UMODL1: variants seen among roughly 807,000 people sequenced by gnomAD.
UMODL1 encodes the protein uromodulin like 1.
A neutral mutation model predicts 136.3 loss-of-function variants in UMODL1; 128 were observed. That is an observed-to-expected ratio of 0.94 (90% CI 0.81 to 1.09). The LOEUF is 1.09. Ranked by LOEUF, UMODL1 falls within the 50% of genes least tolerant of loss-of-function variation. UMODL1 has a pLI of 0.00. For synonymous variants in UMODL1, 721 were observed against 720.0 expected (o/e 1.00, Z -0.02); for missense variants, 1,766 against 1,725.6 (o/e 1.02, Z -0.41).
intron 21 of UMODL1, among the ~76,000 whole-genome samples, chr21:42,131,283 A>G (rs911152190): frequency 1.3e-5 from 2 of 151,530 alleles, no homozygotes; most frequent in East Asian, 1.9e-4. Flanking sequence ...CTTTCCCTGT[A>G]TGAGAACTTC....
At chr21:42,077,422 T>C (rs183549347) in intron 2 of UMODL1, among the ~76,000 whole-genome samples, 10 of 152,122 alleles carry the variant, frequency 6.6e-5, no homozygotes, top group Middle Eastern at 3.4e-3. Context: ...CTAGATTTTC[T>C]TTTATACTTT....
chr21:42,106,633 G>A (rs908076064), intron 9 of UMODL1, among the ~76,000 whole-genome samples: 3 of 152,344 alleles, frequency 2.0e-5, no homozygotes, highest in African/African-American at 7.2e-5. Flanking sequence ...TTCCCCAGGA[G>A]GTACGTACCA....
At chr21:42,064,420 A>G (rs909512285) in intron 1 of UMODL1, among the ~76,000 whole-genome samples, 2 of 152,130 alleles carry the variant, frequency 1.3e-5, no homozygotes, top group African/African-American at 2.4e-5. Flanking sequence ...GAGTCTGCCT[A>G]CGTTGGCACG....
At chr21:42,092,147 A>G (rs547965542) in intron 6 of UMODL1, among the ~76,000 whole-genome samples, 12 of 152,208 alleles carry the variant, frequency 7.9e-5, no homozygotes, top group Admixed American at 2.6e-4. Flanking sequence ...TCAGGAGAGC[A>G]GAAGGGAAGC....
rs371738057 is a variant in UMODL1 at position 42,099,020 on chromosome 21, C to T, written c.1026C>T (p.Phe342=). The change falls in exon 7 of 23, where the codon TTC becomes TTT. Residue 342 remains phenylalanine, a synonymous_variant. Coordinates refer to ENST00000408910, the MANE Select transcript of UMODL1 (RefSeq NM_001004416.3). The surrounding 1 kb of genome is among the most constrained non-coding windows in gnomAD (Gnocchi z 4.1). ...WRLNSTQNHT[F]HVRVYRGMEL... ...TAAATTCTACACAGAACCACACTTTCCATGTCCGGGTTTACCGGGGTATGG... is the reference window on the plus strand; with the variant it reads ...TAAATTCTACACAGAACCACACTTTTCATGTCCGGGTTTACCGGGGTATGG... The T allele has an allele frequency of 6.2e-7, 1 of 1,614,096 alleles. No homozygotes were observed. The highest frequency in any genetic ancestry group is 8.5e-7 in the Non-Finnish European group (1 of 1,180,000).
At chr21:42,108,757 C>G (rs1245098532) in intron 9 of UMODL1, among the ~76,000 whole-genome samples, 2 of 136,598 alleles carry the variant, frequency 1.5e-5, no homozygotes, top group African/African-American at 5.7e-5. Context: ...GGCGGGCCCC[C>G]CGGTGACATG....
chr21:42,084,253 G>A lies in UMODL1; in HGVS notation c.481+8G>A, dbSNP rs1157959358. ...TGGCCCCTGCACCCCAAGGTAGGCT[G>A]CTGCGGGCCATGCTTATGGACAGGC... On this transcript the variant is annotated splice_region_variant and intron_variant, in intron 3 of 22. Transcript: ENST00000408910. The A allele has an allele frequency of 5.6e-6, 9 of 1,612,736 alleles. No individual in the cohort carries two copies. In the Admixed American group the frequency reaches 1.5e-4, roughly 27 times the overall value.
rs373297202 is a variant in UMODL1 at position 42,119,136 on chromosome 21, T to C, written c.2501T>C (p.Met834Thr). The stretch of plus-strand genomic sequence containing the variant: ...GTGCGGGGCTCCCTGCCAGCCACCA[T>C]GTGTCAGCACATGGACGCTGGTGGG... ...RMVRGSLPAT[M>T]CQHMDAGGVR... Residue 834 changes from methionine (M) to threonine (T), a missense_variant, in exon 15 of 23, where the codon ATG becomes ACG. Met to Thr is a moderately conservative substitution (Grantham distance 81). Transcript: ENST00000408910. The C allele has an allele frequency of 1.4e-5, 22 of 1,613,362 alleles. No homozygotes were observed. Among genetic ancestry groups the C allele is most frequent in the African/African-American group, 1.3e-4 (10 of 74,940 alleles).
chr21:42,124,227 G>A (rs952482460), intron 17 of UMODL1, among the ~76,000 whole-genome samples: 1 of 152,358 alleles, frequency 6.6e-6, no homozygotes, highest in African/African-American at 2.4e-5. Context: ...ACAAGAGGAG[G>A]GGAGAGCCAG....
chr21:42,114,470 G>T (rs568328984), intron 13 of UMODL1, among the ~76,000 whole-genome samples: 2 of 152,186 alleles, frequency 1.3e-5, no homozygotes, highest in Non-Finnish European at 2.9e-5. Flanking sequence ...TGGTTTTCAC[G>T]CCATGGGCAG....
At chr21:42,065,559 G>A (rs1051683534) in intron 1 of UMODL1, among the ~76,000 whole-genome samples, 2 of 149,868 alleles carry the variant, frequency 1.3e-5, no homozygotes, top group Non-Finnish European at 3.0e-5. Flanking sequence ...TTTTTTTGAG[G>A]CGGAGTCTCG....
At chr21:42,095,704 G>A (rs1352313910) in intron 6 of UMODL1, among the ~76,000 whole-genome samples, 1 of 152,182 alleles carries the variant, frequency 6.6e-6, no homozygotes, top group Non-Finnish European at 1.5e-5. Flanking sequence ...AAGCTTAGTA[G>A]TAAGGCAAGT....
At position 42,096,993 on chromosome 21, in the gene UMODL1, T is replaced by G. The variant is rs369776750; in HGVS notation, c.932-1933T>G. Among the ~76,000 whole-genome samples, 16 of 152,304 alleles carry G rather than the reference T, an allele frequency of 1.1e-4. 3 individuals are homozygous for G. Among genetic ancestry groups the G allele is most frequent in the Admixed American group, 2.0e-4 (3 of 15,302 alleles). On this transcript the variant is annotated intron_variant, in intron 6 of 22. Coordinates refer to ENST00000408910, the MANE Select transcript of UMODL1 (RefSeq NM_001004416.3). The stretch of plus-strand genomic sequence containing the variant: ...CCAGGCAGTGAGTGGGGGGTCTTTT[T>G]GATTCCAGGGTTCTGGTGACCCTGG...
At chr21:42,104,430 CT>C (rs56706695) in intron 9 of UMODL1, among the ~76,000 whole-genome samples, 29,980 of 151,298 alleles carry the variant, frequency 0.2, 3,191 homozygotes, top group South Asian at 0.27. Context: ...TTTTTCTTTT[CT>C]TTTTTTTCTT....
rs79554498 is a variant in UMODL1, at chr21:42,132,144, G to A, written c.3775+2347G>A. Among the ~76,000 whole-genome samples, 764 of 151,678 alleles carry A rather than the reference G, an allele frequency of 5.0e-3. 8 individuals carry two copies. Among genetic ancestry groups the A allele is most frequent in the African/African-American group, 0.017 (696 of 41,348 alleles). ...TCATCTTTCCATCTATCATTTTTCC[G>A]TCCATCCATCCATCTACCCATTCAT... On this transcript the variant is annotated intron_variant, in intron 21 of 22. Coordinates refer to ENST00000408910, the MANE Select transcript of UMODL1 (RefSeq NM_001004416.3).
rs530378179 is a variant in UMODL1, at chr21:42,142,162, G to C, written c.*88G>C. 6.6e-6 allele frequency: 1 copy of C among 152,414 alleles called. No individual in the cohort carries two copies. Among genetic ancestry groups the C allele is most frequent in the African/African-American group, 2.4e-5 (1 of 41,560 alleles). The allele number at this position is 152,414 out of a possible 1,614,324, so 9.4% of individuals were successfully genotyped here. A position where few individuals can be genotyped will look rare whatever the true frequency, so the allele number is the denominator to read the frequency against. On this transcript the variant is annotated 3_prime_UTR_variant, in exon 23 of 23. Transcript: ENST00000408910. ...CTGGTGGGCTCCCCCGGGATCCCCA[G>C]TGTCTCTCTGCACCTCCACCCATCC...
At chr21:42,068,813 C>T (rs554689757), upstream of UMODL1, among the ~76,000 whole-genome samples, 1 of 152,202 alleles carries the variant, frequency 6.6e-6, no homozygotes, top group African/African-American at 2.4e-5. This position sits in a 1 kb window ranked among gnomAD's most constrained non-coding sequence, Gnocchi z 5.5. Flanking sequence ...TGTCGGTGCA[C>T]ATGTGAGTGT....
chr21:42,122,679 G>A lies in UMODL1; in HGVS notation c.2828-152G>A, dbSNP rs1375074804. 7.5e-6 allele frequency: 5 copies of A among 671,032 alleles called. No homozygotes were observed. Among genetic ancestry groups the A allele is most frequent in the Non-Finnish European group, 2.5e-6 (1 of 401,252 alleles). 41.6% of individuals were successfully genotyped at this position (671,032 alleles called of 1,614,324 possible). On this transcript the variant is annotated intron_variant, in intron 16 of 22. Transcript: ENST00000408910. The surrounding 1 kb of genome is among the most constrained non-coding windows in gnomAD (Gnocchi z 4.3). ...TATGTGTGCGTGTGTGTGTGTGTGT[G>A]TGCACGTGTGTAGTTGTGGCTGGAA...
chr21:42,084,320 G>T (rs2066400384), intron 3 of UMODL1, 75 bp downstream of exon 3: 1 of 1,488,650 alleles, frequency 6.7e-7, no homozygotes, highest in Admixed American at 2.2e-5. Flanking sequence ...GTGTGAAGGT[G>T]TGGGGGGGAG....
Sources: allele counts gnomAD v4.1 joint callset (sites outside exome capture counted in the v4.1 genomes callset), GRCh38; gene constraint gnomAD v4.1.1; non-coding constraint Gnocchi (gnomAD v3.1); transcripts MANE v1.5; gene names NCBI Gene and HGNC (gene_info 2026-07-23, HGNC 2026-07-21).